Variants in PCDHGA11 observed in about 807,000 individuals in gnomAD.
PCDHGA11 encodes protocadherin gamma-A11.
In PCDHGA11, 39 loss-of-function variants were observed where a neutral mutation model predicts 60.4. The observed-to-expected ratio is 0.65, with a 90% CI of 0.50 to 0.84. The LOEUF (loss-of-function observed/expected upper bound fraction) is 0.84, where lower values mean the gene tolerates loss of function less well. Ranked by LOEUF, PCDHGA11 falls within the 40% of genes least tolerant of loss-of-function variation. The pLI, the probability that PCDHGA11 is intolerant of heterozygous loss-of-function variation, is 0.00. For missense variants in PCDHGA11, 1,165 were observed against 1,197.7 expected (o/e 0.97, Z 0.40); for synonymous variants, 533 against 510.3 (o/e 1.04, Z -0.60).
intron 1 of PCDHGA11, chr5:141,428,404 T>A (rs375988962): frequency 2.3e-5 from 11 of 476,688 alleles, no homozygotes; most frequent in East Asian, 2.1e-4. Flanking sequence ...TGCCTGGGGT[T>A]GCTTTCACCC....
At chr5:141,503,010 A>AT (rs199924715) in intron 2 of PCDHGA11, among the ~76,000 whole-genome samples, 26,593 of 146,658 alleles carry the variant, frequency 0.18, 2,532 homozygotes, top group Admixed American at 0.29. Context: ...TGCCCGGTTA[A>AT]TTTTTTTTTT....
rs377060474 is a variant in PCDHGA11, at chr5:141,487,810, C to A, written c.2434-6997C>A. The A allele has an allele frequency of 7.4e-4, 1,055 of 1,417,844 alleles. 13 individuals carry two copies. In the South Asian group the frequency reaches 0.013, roughly 17 times the overall value. The allele number at this position is 1,417,844 out of a possible 1,614,324, so 87.8% of individuals were successfully genotyped here. A position where few individuals can be genotyped will look rare whatever the true frequency, so the allele number is the denominator to read the frequency against. ...ATTAACCAGAGTTGTCACAGTTTAG[C>A]ATTGGGGGCGGGTCATGCCTATATC... On this transcript the variant is annotated intron_variant, in intron 1 of 3. Transcript: ENST00000398587. The surrounding 1 kb of genome is among the most constrained non-coding windows in gnomAD (Gnocchi z 5.0).
At position 141,487,681 on chromosome 5, in the gene PCDHGA11, T is replaced by C. The variant is rs754032560; in HGVS notation, c.2434-7126T>C. The stretch of plus-strand genomic sequence containing the variant: ...CTGATCCAGGCATATGGCTAGGCCA[T>C]GTCCTAGAGAGTACTGGCCTCTCAG... On this transcript the variant is annotated intron_variant, in intron 1 of 3. Coordinates refer to ENST00000398587, the MANE Select transcript of PCDHGA11 (RefSeq NM_018914.3). The surrounding 1 kb of genome is among the most constrained non-coding windows in gnomAD (Gnocchi z 5.0). 1.1e-5 allele frequency: 18 copies of C among 1,608,852 alleles called. No individual in the cohort carries two copies. The highest frequency in any genetic ancestry group is 4.5e-5 in the East Asian group (2 of 44,816).
Position 141,423,551 on chromosome 5 carries a change from A to T in PCDHGA11, c.2324A>T (p.Asn775Ile). The T allele has an allele frequency of 1.2e-6, 2 of 1,613,616 alleles. No individual in the cohort carries two copies. Among genetic ancestry groups the T allele is most frequent in the Non-Finnish European group, 1.7e-6 (2 of 1,179,714 alleles). Residue 775 changes from asparagine to isoleucine, a missense_variant, in exon 1 of 4, where the codon AAC becomes ATC. By Grantham distance (149) the Asn-to-Ile change is moderately radical (BLOSUM62 -3). Transcript: ENST00000398587. ...AGTCACCTGATTTTCCCCCAGCCCA[A>T]CTATGGGGACACGCTCATCAGCCAG... Reference protein sequence around the residue: ...QKSHLIFPQPNYGDTLISQES... With the variant: ...QKSHLIFPQPIYGDTLISQES...
rs769187557 is a variant in PCDHGA11, at chr5:141,433,087, A to C, written c.2433+9427A>C. 2.5e-6 allele frequency: 4 copies of C among 1,614,206 alleles called. No homozygotes were observed. In the Admixed American group the frequency reaches 6.7e-5, roughly 27 times the overall value. On this transcript the variant is annotated intron_variant, in intron 1 of 3. Transcript: ENST00000398587. The stretch of plus-strand genomic sequence containing the variant: ...TGATCTTCCCCCAGCCCAACTATGC[A>C]GACATGCTCGTCAGCCAGGAGAGCT...
At chr5:141,472,369 G>A (rs1194465676) in intron 1 of PCDHGA11, among the ~76,000 whole-genome samples, 2 of 151,770 alleles carry the variant, frequency 1.3e-5, no homozygotes, top group Admixed American at 6.6e-5. Flanking sequence ...GTGAAACCCC[G>A]TCTCCACTAA....
chr5:141,494,936 G>C, intron 2 of PCDHGA11, 71 bp downstream of exon 2: 1 of 1,612,574 alleles, frequency 6.2e-7, no homozygotes, highest in South Asian at 1.1e-5. Flanking sequence ...GGAGGAGATG[G>C]GGGAGGGCCC....
In PCDHGA11 at chr5:141,489,594, TGTAGAG is replaced by T. The variant is rs1298302866; in HGVS notation, c.2434-5206_2434-5201del. 1 of 1,613,958 alleles carries T rather than the reference TGTAGAG, an allele frequency of 6.2e-7. No homozygotes were observed. The highest frequency in any genetic ancestry group is 1.3e-5 in the African/African-American group (1 of 74,906). ...CTGAACACCCCCTGGAGCTAATCCG[TGTAGAG>T]GTAGAGATCCTGGATCTCAATGACA... On this transcript the variant is annotated intron_variant, in intron 1 of 3. Coordinates refer to ENST00000398587, the MANE Select transcript of PCDHGA11 (RefSeq NM_018914.3). The surrounding 1 kb of genome is among the most constrained non-coding windows in gnomAD (Gnocchi z 4.5).
chr5:141,446,528 G>A (rs2098505974), intron 1 of PCDHGA11, among the ~76,000 whole-genome samples: 1 of 151,952 alleles, frequency 6.6e-6, no homozygotes, highest in South Asian at 2.1e-4. Flanking sequence ...CCAGGCTGGA[G>A]TGCAGTGGCC....
At chr5:141,494,736 T>C in intron 1 of PCDHGA11, 71 bp from the exon 2 acceptor site, 1 of 1,611,858 alleles carries the variant, frequency 6.2e-7, no homozygotes, top group Non-Finnish European at 8.5e-7. Context: ...TCCCGGCCCA[T>C]CCCTAGGGGC....
intron 1 of PCDHGA11, among the ~76,000 whole-genome samples, chr5:141,443,695 A>G (rs1324985529): frequency 1.3e-5 from 2 of 152,272 alleles, no homozygotes; most frequent in Non-Finnish European, 2.9e-5. Context: ...TTCAAAAATT[A>G]TAGAATAACA....
At chr5:141,508,824 G>T (rs893436748) in intron 3 of PCDHGA11, among the ~76,000 whole-genome samples, 1 of 151,952 alleles carries the variant, frequency 6.6e-6, no homozygotes, top group Non-Finnish European at 1.5e-5. Context: ...CCAGATCTGG[G>T]CCCCCCTCCC....
In PCDHGA11 at chr5:141,422,410, T is replaced by C; in HGVS notation, c.1183T>C (p.Leu395=). 1 of 1,601,816 alleles carries C rather than the reference T, an allele frequency of 6.2e-7. No homozygotes were observed. The highest frequency in any genetic ancestry group is 8.5e-7 in the Non-Finnish European group (1 of 1,176,012). ...CFIPNHLPFK[L]EKTYGNYYKL... ...TATTCCTAACCACCTGCCTTTTAAATTAGAAAAGACTTATGGAAATTATTA... is the reference window on the plus strand; with the variant it reads ...TATTCCTAACCACCTGCCTTTTAAACTAGAAAAGACTTATGGAAATTATTA... Residue 395 remains leucine (L), a synonymous_variant, in exon 1 of 4, where the codon TTA becomes CTA. Coordinates refer to ENST00000398587, the MANE Select transcript of PCDHGA11 (RefSeq NM_018914.3).
intron 2 of PCDHGA11, among the ~76,000 whole-genome samples, chr5:141,495,193 T>C (rs1471524188): frequency 6.6e-6 from 1 of 152,192 alleles, no homozygotes; most frequent in Admixed American, 6.5e-5. Context: ...TCTATGCCCA[T>C]GTACTGCCTA....
rs772863950 is a variant in PCDHGA11 at position 141,423,421 on chromosome 5, G to A, written c.2194G>A (p.Gly732Arg). ...ACGCCTGCTGCAGGCTTCTGAAGGC[G>A]GGTTGGCAGGTATGCCCACGTCACA... is the stretch of plus-strand genomic sequence containing the variant. ...KSRLLQASEG[G>R]LAGMPTSHFV... The change falls in exon 1 of 4, where the codon GGG (glycine) becomes AGG (arginine). Residue 732 changes from glycine to arginine, a missense_variant. Gly to Arg is a moderately radical substitution (Grantham distance 125, BLOSUM62 -2). Transcript: ENST00000398587. The A allele has an allele frequency of 1.2e-6, 2 of 1,614,080 alleles. No homozygotes were observed. The highest frequency in any genetic ancestry group is 1.7e-6 in the Non-Finnish European group (2 of 1,179,952).
At chr5:141,481,462 C>T (rs1395867714) in intron 1 of PCDHGA11, among the ~76,000 whole-genome samples, 1 of 152,162 alleles carries the variant, frequency 6.6e-6, no homozygotes. Flanking sequence ...ACACTGAAAA[C>T]CATTGGATTA....
chr5:141,453,784 G>T (rs767312144), intron 1 of PCDHGA11, among the ~76,000 whole-genome samples: 47 of 152,298 alleles, frequency 3.1e-4, no homozygotes, highest in Non-Finnish European at 5.6e-4. Flanking sequence ...AGTTACCATG[G>T]TATATTAACT....
chr5:141,506,162 C>T (rs1448735916), intron 3 of PCDHGA11, among the ~76,000 whole-genome samples: 1 of 152,124 alleles, frequency 6.6e-6, no homozygotes, highest in Non-Finnish European at 1.5e-5. Flanking sequence ...CTTAAGAGCA[C>T]AGCCTAAGCT....
intron 1 of PCDHGA11, among the ~76,000 whole-genome samples, chr5:141,470,417 T>A (rs1482173610): frequency 6.6e-6 from 1 of 152,226 alleles, no homozygotes; most frequent in East Asian, 1.9e-4. Context: ...ATTTTATGTA[T>A]TTTTTCCTTG....
Sources: gnomAD v4.1 joint callset for allele counts (sites outside exome capture counted in the v4.1 genomes callset) on GRCh38, gnomAD v4.1.1 for gene constraint, Gnocchi (gnomAD v3.1) non-coding constraint, MANE v1.5 for transcripts, NCBI Gene and HGNC (gene_info 2026-07-23, HGNC 2026-07-21) for gene names.